Variants in KCNH5 observed in about 807,000 individuals in gnomAD.
KCNH5 encodes potassium voltage-gated channel subfamily H member 5.
KCNH5 carries 46 observed loss-of-function variants against 96.1 expected under a neutral mutation model. The observed-to-expected ratio is 0.48, with a 90% CI of 0.38 to 0.61. The LOEUF (loss-of-function observed/expected upper bound fraction) is 0.61. KCNH5 is among the 20% of genes least tolerant of loss of function. KCNH5 has a pLI of 0.00. For synonymous variants in KCNH5, 439 were observed against 449.8 expected (o/e 0.98, Z 0.30); for missense variants, 907 against 1,225.8 (o/e 0.74, Z 3.88).
At chr14:62,739,133 C>T (rs1885220168) in intron 10 of KCNH5, among the ~76,000 whole-genome samples, 1 of 152,104 alleles carries the variant, frequency 6.6e-6, no homozygotes. Flanking sequence ...AATATGTGAA[C>T]ATTAAAAATG....
intron 4 of KCNH5, among the ~76,000 whole-genome samples, chr14:63,000,180 TA>T: frequency 6.6e-6 from 1 of 152,356 alleles, no homozygotes; most frequent in South Asian, 2.1e-4. Flanking sequence ...ATTTTTTCTA[TA>T]ATTATGATTA....
chr14:62,943,741 T>C (rs1435182985), intron 7 of KCNH5, among the ~76,000 whole-genome samples: 1 of 152,114 alleles, frequency 6.6e-6, no homozygotes, highest in African/African-American at 2.4e-5. Context: ...GTGGCTACCC[T>C]GGGGAGTAAT....
At chr14:62,938,562 G>A (rs1889728980) in intron 7 of KCNH5, among the ~76,000 whole-genome samples, 1 of 152,156 alleles carries the variant, frequency 6.6e-6, no homozygotes, top group Admixed American at 6.6e-5. Context: ...CTATGAATTT[G>A]TGAGTCTTTC....
chr14:62,898,066 C>T (rs1888851384), intron 7 of KCNH5, among the ~76,000 whole-genome samples: 1 of 152,094 alleles, frequency 6.6e-6, no homozygotes, highest in East Asian at 1.9e-4. Context: ...ATTGCCCGGG[C>T]ACTGGGGACC....
chr14:62,819,785 A>G (rs948243184), intron 8 of KCNH5, among the ~76,000 whole-genome samples: 4 of 152,192 alleles, frequency 2.6e-5, no homozygotes, highest in African/African-American at 9.7e-5. Flanking sequence ...TAATCTGCAT[A>G]CTTATGACTT....
intron 7 of KCNH5, among the ~76,000 whole-genome samples, chr14:62,931,524 C>A (rs560000408): frequency 6.6e-6 from 1 of 152,082 alleles, no homozygotes; most frequent in African/African-American, 2.4e-5. Context: ...GTAGAACAGA[C>A]AAAAGCAACA....
At chr14:62,920,716 A>G (rs1303387783) in intron 7 of KCNH5, among the ~76,000 whole-genome samples, 1 of 152,208 alleles carries the variant, frequency 6.6e-6, no homozygotes, top group African/African-American at 2.4e-5. Flanking sequence ...AAATCATGAA[A>G]TCTGAAAGAC....
chr14:63,030,231 C>T (rs1051824627), intron 1 of KCNH5, among the ~76,000 whole-genome samples: 1 of 152,012 alleles, frequency 6.6e-6, no homozygotes, highest in Admixed American at 6.6e-5. Flanking sequence ...AACATTCCAT[C>T]TCCAAAGGGA....
chr14:62,871,535 A>C (rs368770300), intron 7 of KCNH5, among the ~76,000 whole-genome samples: 3 of 152,230 alleles, frequency 2.0e-5, no homozygotes, highest in African/African-American at 7.2e-5. Context: ...TTACAGTTTC[A>C]TTTAGAGATA....
intron 10 of KCNH5, among the ~76,000 whole-genome samples, chr14:62,738,152 C>T (rs970818823): frequency 4.6e-5 from 7 of 152,116 alleles, no homozygotes; most frequent in Admixed American, 2.6e-4. Flanking sequence ...ATGACTGAGA[C>T]GGCTACTAAA....
chr14:62,914,751 T>C (rs1474369754), intron 7 of KCNH5, among the ~76,000 whole-genome samples: 1 of 152,218 alleles, frequency 6.6e-6, no homozygotes, highest in Non-Finnish European at 1.5e-5. Context: ...CCCAGAACTA[T>C]GAGAAATAAA....
At chr14:62,938,723 TG>T (rs1889731957) in intron 7 of KCNH5, among the ~76,000 whole-genome samples, 2 of 152,222 alleles carry the variant, frequency 1.3e-5, no homozygotes, top group African/African-American at 4.8e-5. Flanking sequence ...CAGTGTGTCC[TG>T]AAAAATATTT....
intron 7 of KCNH5, among the ~76,000 whole-genome samples, chr14:62,877,475 A>G (rs1236727602): frequency 6.6e-6 from 1 of 152,192 alleles, no homozygotes; most frequent in Non-Finnish European, 1.5e-5. Context: ...CAGAATCTAC[A>G]ATGAACTCAA....
intron 3 of KCNH5, among the ~76,000 whole-genome samples, chr14:63,003,920 A>C (rs1891078818): frequency 6.6e-6 from 1 of 151,948 alleles, no homozygotes; most frequent in Admixed American, 6.6e-5. Context: ...GCGCCCGGCC[A>C]GAAAGAGCTA....
intron 7 of KCNH5, among the ~76,000 whole-genome samples, chr14:62,885,356 T>C (rs1888575935): frequency 6.6e-6 from 1 of 152,084 alleles, no homozygotes; most frequent in Non-Finnish European, 1.5e-5. Flanking sequence ...ATAGTAAGCA[T>C]ATAATAACTA....
Position 62,981,240 on chromosome 14 carries a change from G to A in KCNH5, c.574C>T (p.Leu192Phe). ...GGCGCTTCTTGTTTATACTGAGGAA[G>A]GATATCTGATCCCAGCTGAAGAACC... is the stretch of plus-strand genomic sequence containing the variant. ...AEVLQLGSDI[L>F]PQYKQEAPKT... Residue 192 changes from leucine (L) to phenylalanine (F), a missense_variant, in exon 6 of 11, where the codon CTT (leucine) becomes TTT (phenylalanine). Leu to Phe is a conservative substitution (Grantham distance 22, BLOSUM62 0). This residue lies in a region of KCNH5 where 370 missense variants were observed against 561.3 expected (regional missense o/e 0.66). Transcript: ENST00000322893. 6.2e-7 allele frequency: 1 copy of A among 1,614,028 alleles called. No individual in the cohort carries two copies. Among genetic ancestry groups the A allele is most frequent in the Non-Finnish European group, 8.5e-7 (1 of 1,179,972 alleles).
rs989750085 is a variant in KCNH5 at position 62,733,119 on chromosome 14, C to A, written c.2020-24664G>T. 2.6e-4 allele frequency among the ~76,000 whole-genome samples: 39 copies of A among 152,156 alleles called. 1 individual carries two copies. Among genetic ancestry groups the A allele is most frequent in the African/African-American group, 8.9e-4 (37 of 41,508 alleles). On this transcript the variant is annotated intron_variant, in intron 10 of 10. Coordinates refer to ENST00000322893, the MANE Select transcript of KCNH5 (RefSeq NM_139318.5). ...TGTTTTTTAGCCAAGCCCAGATTAC[C>A]CAAGCAGAATCTGCTGCTTCTTTCC...
At chr14:62,916,724 A>AC (rs1174962336) in intron 7 of KCNH5, among the ~76,000 whole-genome samples, 2 of 58,008 alleles carry the variant, frequency 3.4e-5, no homozygotes, top group Admixed American at 3.1e-4. Context: ...GAAAGGAGAG[A>AC]GCACAGCTCC....
chr14:62,771,274 T>TG (rs1885979284), intron 10 of KCNH5, among the ~76,000 whole-genome samples: 1 of 152,164 alleles, frequency 6.6e-6, no homozygotes, highest in Admixed American at 6.5e-5. Flanking sequence ...AAAGAAATAT[T>TG]GGCAAGGGGT....
Sources: allele counts gnomAD v4.1 joint callset (sites outside exome capture counted in the v4.1 genomes callset), GRCh38; gene constraint gnomAD v4.1.1; regional missense constraint gnomAD v4.1.1; transcripts MANE v1.5; gene names NCBI Gene and HGNC (gene_info 2026-07-23, HGNC 2026-07-21).